Variants in B4GALT5 observed in about 807,000 individuals in gnomAD.
B4GALT5 encodes the protein UDP-Gal:beta-GlcNAc beta-1,4-galactosyltransferase 5.
In B4GALT5, 11 loss-of-function variants were observed where a neutral mutation model predicts 45.0. The ratio of observed to expected loss-of-function variants is 0.24; its 90% CI spans 0.15 to 0.40. The LOEUF is 0.40. B4GALT5 is among the 10% of genes least tolerant of loss of function. B4GALT5 has a pLI of 1.00. For missense variants in B4GALT5, 337 were observed against 500.2 expected, an observed-to-expected ratio of 0.67 and a Z score of 3.11; for synonymous variants, 185 against 182.9, an observed-to-expected ratio of 1.01 and a Z score of -0.09.
At chr20:49,645,523 C>T (rs374372463) in intron 3 of B4GALT5, among the ~76,000 whole-genome samples, 133 of 152,168 alleles carry the variant, frequency 8.7e-4, no homozygotes, top group South Asian at 1.9e-3. Context: ...CTGAGGTGGG[C>T]GGATCACCTG....
intron 1 of B4GALT5, among the ~76,000 whole-genome samples, chr20:49,693,674 T>G (rs2085825751): frequency 1.3e-5 from 2 of 152,212 alleles, no homozygotes; most frequent in Non-Finnish European, 2.9e-5. Context: ...CAAGCTTACT[T>G]TCGCCACCAC....
chr20:49,662,258 T>C (rs1253229777), intron 1 of B4GALT5, among the ~76,000 whole-genome samples: 1 of 152,132 alleles, frequency 6.6e-6, no homozygotes, highest in Admixed American at 6.5e-5. Flanking sequence ...ACCCCCAACA[T>C]ATGCAAACAT....
At chr20:49,688,269 CTGAA>C in intron 1 of B4GALT5, among the ~76,000 whole-genome samples, 1 of 152,298 alleles carries the variant, frequency 6.6e-6, no homozygotes, top group South Asian at 2.1e-4. Context: ...CAGAAAGCCT[CTGAA>C]TAGCACAGCA....
intron 1 of B4GALT5, among the ~76,000 whole-genome samples, chr20:49,668,714 C>T (rs995234878): frequency 2.6e-5 from 4 of 152,084 alleles, no homozygotes; most frequent in African/African-American, 9.7e-5. Flanking sequence ...GCTCTGCTCC[C>T]CTCACCTCCG....
At chr20:49,646,862 G>A (rs1302165389) in intron 3 of B4GALT5, 103 bp downstream of exon 3, 3 of 676,158 alleles carry the variant, frequency 4.4e-6, no homozygotes, top group Non-Finnish European at 7.3e-6. Context: ...TCCAATGGCA[G>A]GGAGGTATTT....
chr20:49,643,725 T>C, intron 3 of B4GALT5, 75 bp from the exon 4 acceptor site: 2 of 1,509,474 alleles, frequency 1.3e-6, no homozygotes, highest in Non-Finnish European at 1.8e-6. Context: ...TTTTAGTCTC[T>C]GGAGAGCGCA....
At chr20:49,668,434 T>G (rs1281394344) in intron 1 of B4GALT5, among the ~76,000 whole-genome samples, 6 of 152,032 alleles carry the variant, frequency 3.9e-5, no homozygotes, top group Non-Finnish European at 5.9e-5. Flanking sequence ...CCAAAATTCT[T>G]AATAGCATGA....
At chr20:49,657,169 C>T (rs1392793333) in intron 1 of B4GALT5, among the ~76,000 whole-genome samples, 3 of 152,140 alleles carry the variant, frequency 2.0e-5, no homozygotes, top group Non-Finnish European at 4.4e-5. Flanking sequence ...TCTGAAGCCA[C>T]GGTCTGGTCT....
chr20:49,709,567 T>C (rs773560882), intron 1 of B4GALT5, among the ~76,000 whole-genome samples: 1 of 151,636 alleles, frequency 6.6e-6, no homozygotes, highest in Non-Finnish European at 1.5e-5. Context: ...AGGTCGGGAG[T>C]TCGAGACGAA....
At chr20:49,708,542 T>C (rs1461639739) in intron 1 of B4GALT5, among the ~76,000 whole-genome samples, 1 of 152,182 alleles carries the variant, frequency 6.6e-6, no homozygotes, top group Non-Finnish European at 1.5e-5. Flanking sequence ...ATAAATCAAA[T>C]TTCTCTTGGA....
At chr20:49,687,934 G>A (rs1405361834) in intron 1 of B4GALT5, among the ~76,000 whole-genome samples, 3 of 151,730 alleles carry the variant, frequency 2.0e-5, no homozygotes, top group Non-Finnish European at 4.4e-5. Context: ...AACTGTGGAA[G>A]CTACTATGAC....
intron 1 of B4GALT5, among the ~76,000 whole-genome samples, chr20:49,677,876 G>T (rs1002424671): frequency 2.0e-5 from 3 of 152,200 alleles, no homozygotes; most frequent in African/African-American, 7.2e-5. Context: ...CTCCTGAGTA[G>T]CTGGGATTAC....
intron 1 of B4GALT5, among the ~76,000 whole-genome samples, chr20:49,713,322 G>A (rs1041755544): frequency 6.6e-6 from 1 of 151,796 alleles, no homozygotes; most frequent in Non-Finnish European, 1.5e-5. Context: ...AGGTACAGTC[G>A]GGTTCGCGAG....
chr20:49,685,987 T>C (rs2085783721), intron 1 of B4GALT5, among the ~76,000 whole-genome samples: 1 of 151,638 alleles, frequency 6.6e-6, no homozygotes, highest in Non-Finnish European at 1.5e-5. Context: ...CCTGAGCTGC[T>C]GCTGTAACAT....
At chr20:49,646,490 A>T (rs1202485691) in intron 3 of B4GALT5, among the ~76,000 whole-genome samples, 1 of 152,158 alleles carries the variant, frequency 6.6e-6, no homozygotes, top group East Asian at 1.9e-4. Context: ...TTGAGCTACA[A>T]TTACTGTATA....
chr20:49,659,307 A>G (rs6067168), intron 1 of B4GALT5, among the ~76,000 whole-genome samples: 71,065 of 152,006 alleles, frequency 0.47, 17,589 homozygotes, highest in South Asian at 0.65. Flanking sequence ...TACAGCAAGG[A>G]GTCTATTCTT....
chr20:49,653,020 G>A lies in B4GALT5; in HGVS notation c.250+3548C>T, dbSNP rs367621514. 1.4e-4 allele frequency among the ~76,000 whole-genome samples: 21 copies of A among 152,322 alleles called. 1 individual carries two copies. The South Asian group carries it at 4.3e-3, about 32-fold the overall frequency. Reference sequence around the variant, plus strand: ...CAACTGCTTTGAAATGAAGAAGAATGATGGGTTTTCATTAAATACACTTTC... The same window carrying A: ...CAACTGCTTTGAAATGAAGAAGAATAATGGGTTTTCATTAAATACACTTTC... On this transcript the variant is annotated intron_variant, in intron 2 of 8. Transcript: ENST00000371711.
At chr20:49,658,305 C>T (rs1296484160) in intron 1 of B4GALT5, among the ~76,000 whole-genome samples, 2 of 152,192 alleles carry the variant, frequency 1.3e-5, no homozygotes, top group African/African-American at 4.8e-5. Context: ...CTGCCAGTCA[C>T]AGTAGGGGGG....
At chr20:49,685,435 C>T (rs1335144037) in intron 1 of B4GALT5, among the ~76,000 whole-genome samples, 5 of 152,118 alleles carry the variant, frequency 3.3e-5, no homozygotes, top group African/African-American at 9.7e-5. Flanking sequence ...CCCAGACAGC[C>T]CAGCCTTTGA....
Sources: allele counts gnomAD v4.1 joint callset (sites outside exome capture counted in the v4.1 genomes callset), GRCh38; gene constraint gnomAD v4.1.1; transcripts MANE v1.5; gene names NCBI Gene and HGNC (gene_info 2026-07-23, HGNC 2026-07-21).